WDR7: variants seen among roughly 807,000 people sequenced by gnomAD.
The protein encoded by WDR7 is WD repeat-containing protein 7.
In WDR7, 46 loss-of-function variants were observed where a neutral mutation model predicts 169.4. The ratio of observed to expected loss-of-function variants is 0.27; its 90% CI spans 0.21 to 0.35. WDR7 has a LOEUF of 0.35. WDR7 is among the 10% of genes least tolerant of loss of function. The pLI is 1.00. For missense variants in WDR7, 1,534 were observed against 1,859.3 expected (o/e 0.83, Z 3.22); for synonymous variants, 612 against 666.8 (o/e 0.92, Z 1.27).
chr18:56,951,333 G>C (rs1052399692), intron 25 of WDR7, among the ~76,000 whole-genome samples: 9 of 152,146 alleles, frequency 5.9e-5, no homozygotes, highest in Admixed American at 3.3e-4. Flanking sequence ...CTGCACTGAG[G>C]ATTAAAGAGC....
At chr18:57,018,221 C>T (rs2048234703) in intron 26 of WDR7, among the ~76,000 whole-genome samples, 1 of 152,186 alleles carries the variant, frequency 6.6e-6, no homozygotes, top group Non-Finnish European at 1.5e-5. Context: ...CAGAAGGAGG[C>T]TCAGTCCACC....
chr18:56,850,665 A>G (rs879568261), intron 20 of WDR7, among the ~76,000 whole-genome samples: 9 of 151,952 alleles, frequency 5.9e-5, no homozygotes, highest in Admixed American at 5.9e-4. Flanking sequence ...ACATACCACT[A>G]TACTTGACTA....
chr18:56,773,986 A>G (rs2044204290), intron 16 of WDR7, among the ~76,000 whole-genome samples: 1 of 151,724 alleles, frequency 6.6e-6, no homozygotes, highest in African/African-American at 2.4e-5. Flanking sequence ...AAATAATTGT[A>G]TTCTTTTTTT....
intron 12 of WDR7, among the ~76,000 whole-genome samples, chr18:56,706,976 C>T (rs192650125): frequency 3.9e-5 from 4 of 103,836 alleles, no homozygotes; most frequent in South Asian, 4.1e-4. Context: ...CACTGTGCCC[C>T]GCCAAATTTT....
rs145118192 is a variant in WDR7 at position 56,880,120 on chromosome 18, G to A, written c.3481G>A (p.Gly1161Arg). The A allele has an allele frequency of 2.5e-6, 4 of 1,613,968 alleles. No individual in the cohort carries two copies. Among genetic ancestry groups the A allele is most frequent in the African/African-American group, 1.3e-5 (1 of 75,010 alleles). Reference sequence around the variant, plus strand: ...CTCTAGCCAAATTCCTGAGGGATTCGGGTTGACTAGTGGTGGATCCAACTA... The same window carrying A: ...CTCTAGCCAAATTCCTGAGGGATTCAGGTTGACTAGTGGTGGATCCAACTA... ...RSSSQIPEGFGLTSGGSNYSL... is the reference protein window; with the variant it reads ...RSSSQIPEGFRLTSGGSNYSL... The change falls in exon 21 of 28, where the codon GGG becomes AGG. Residue 1161 changes from glycine to arginine, a missense_variant. By Grantham distance (125) the Gly-to-Arg change is moderately radical. Coordinates refer to ENST00000254442, the MANE Select transcript of WDR7 (RefSeq NM_015285.3).
chr18:56,791,528 A>G (rs1418274290), intron 19 of WDR7, among the ~76,000 whole-genome samples: 1 of 144,160 alleles, frequency 6.9e-6, no homozygotes, highest in Non-Finnish European at 1.5e-5. Flanking sequence ...TTTTTCCTTA[A>G]GCAAGGATCT....
chr18:56,675,164 T>G (rs1238436125), intron 2 of WDR7, among the ~76,000 whole-genome samples: 1 of 152,210 alleles, frequency 6.6e-6, no homozygotes, highest in Non-Finnish European at 1.5e-5. Context: ...TCCTCCAGTA[T>G]TGCTCTTCTT....
At chr18:56,901,552 C>T (rs2046402263) in intron 21 of WDR7, among the ~76,000 whole-genome samples, 1 of 152,122 alleles carries the variant, frequency 6.6e-6, no homozygotes, top group African/African-American at 2.4e-5. Flanking sequence ...AATGTCCCAT[C>T]GCTTACCTAG....
chr18:56,822,265 C>T (rs76636048), intron 20 of WDR7, among the ~76,000 whole-genome samples: 81 of 152,264 alleles, frequency 5.3e-4, no homozygotes, highest in Middle Eastern at 3.4e-3. Context: ...CAGTTTATTA[C>T]ATACGTGTAA....
chr18:56,954,453 C>A (rs563146370), intron 25 of WDR7, among the ~76,000 whole-genome samples: 1 of 152,000 alleles, frequency 6.6e-6, no homozygotes, highest in South Asian at 2.1e-4. Context: ...TTAAAAGAAG[C>A]TAGCAATATT....
chr18:56,752,553 A>G (rs1276435446), intron 14 of WDR7, among the ~76,000 whole-genome samples: 1 of 152,156 alleles, frequency 6.6e-6, no homozygotes, highest in Non-Finnish European at 1.5e-5. Context: ...TGGTTCCCTC[A>G]ATACCCTGCG....
chr18:56,912,011 C>T (rs767616120), intron 21 of WDR7, among the ~76,000 whole-genome samples: 2 of 152,270 alleles, frequency 1.3e-5, no homozygotes, highest in Non-Finnish European at 2.9e-5. Flanking sequence ...AAGTTCATCA[C>T]TTTGGGGAGG....
intron 26 of WDR7, among the ~76,000 whole-genome samples, chr18:56,962,925 A>G (rs2047357435): frequency 6.6e-6 from 1 of 152,220 alleles, no homozygotes; most frequent in Admixed American, 6.5e-5. Flanking sequence ...TTTCACAATT[A>G]TAAGACAGTG....
intron 26 of WDR7, among the ~76,000 whole-genome samples, chr18:56,989,472 A>G (rs2047778577): frequency 6.6e-6 from 1 of 152,130 alleles, no homozygotes. Flanking sequence ...TTTTATAGAG[A>G]TTTAAAATTC....
At chr18:56,771,483 AG>A in intron 16 of WDR7, among the ~76,000 whole-genome samples, 1 of 151,792 alleles carries the variant, frequency 6.6e-6, no homozygotes, top group Non-Finnish European at 1.5e-5. Context: ...GGAATTTGGG[AG>A]GCTGAGGTAG....
At chr18:57,021,738 T>C (rs1269562049) in intron 27 of WDR7, among the ~76,000 whole-genome samples, 1 of 152,228 alleles carries the variant, frequency 6.6e-6, no homozygotes, top group Non-Finnish European at 1.5e-5. Flanking sequence ...CCCAAAAAAG[T>C]TAATTTAAAA....
chr18:56,888,421 C>A (rs1008838901), intron 21 of WDR7, among the ~76,000 whole-genome samples: 2 of 152,178 alleles, frequency 1.3e-5, no homozygotes, highest in African/African-American at 4.8e-5. Context: ...AAGGCAGGAG[C>A]TATTCTGACT....
At chr18:56,666,905 T>TC (rs1181554242) in intron 1 of WDR7, among the ~76,000 whole-genome samples, 1 of 151,818 alleles carries the variant, frequency 6.6e-6, no homozygotes, top group Non-Finnish European at 1.5e-5. Context: ...TTTTTTTTTT[T>TC]TTTGTCAATT....
At chr18:56,933,786 C>T (rs2145681984) in intron 22 of WDR7, among the ~76,000 whole-genome samples, 2 of 152,350 alleles carry the variant, frequency 1.3e-5, no homozygotes, top group Admixed American at 1.3e-4. Context: ...ATACCTGTAT[C>T]AACCACTTCA....
Sources: gnomAD v4.1 joint callset for allele counts (sites outside exome capture counted in the v4.1 genomes callset) on GRCh38, gnomAD v4.1.1 for gene constraint, MANE v1.5 for transcripts, NCBI Gene and HGNC (gene_info 2026-07-23, HGNC 2026-07-21) for gene names.